ALCAM: variants seen among roughly 807,000 people sequenced by gnomAD.
ALCAM encodes activated leukocyte cell adhesion molecule.
Under a neutral mutation model 70.9 loss-of-function variants are expected in ALCAM, and 30 were observed. The observed-to-expected ratio is 0.42, with a 90% CI of 0.32 to 0.57. The LOEUF (loss-of-function observed/expected upper bound fraction) is 0.57. ALCAM is among the 20% of genes least tolerant of loss of function. The probability of loss-of-function intolerance (pLI) is 0.11; values close to 1 mark genes in which losing one functional copy is unlikely to be tolerated. For missense variants in ALCAM, 591 were observed against 695.1 expected, an observed-to-expected ratio of 0.85 and a Z score of 1.68; for synonymous variants, 249 against 242.5, an observed-to-expected ratio of 1.03 and a Z score of -0.25.
chr3:105,437,442 A>G (rs964519651), intron 1 of ALCAM, among the ~76,000 whole-genome samples: 1 of 152,110 alleles, frequency 6.6e-6, no homozygotes, highest in Non-Finnish European at 1.5e-5. Flanking sequence ...TTCTATGACA[A>G]TAATAGGACT....
chr3:105,423,971 A>T (rs1936731394), intron 1 of ALCAM, among the ~76,000 whole-genome samples: 1 of 151,624 alleles, frequency 6.6e-6, no homozygotes, highest in Admixed American at 6.6e-5. Context: ...TATTTTCATT[A>T]ACATTTCAGA....
chr3:105,418,962 T>A (rs1378179084), intron 1 of ALCAM, among the ~76,000 whole-genome samples: 2 of 151,792 alleles, frequency 1.3e-5, no homozygotes, highest in African/African-American at 4.8e-5. Context: ...CCTTATCAAA[T>A]CCCATTTTCT....
rs533251061 is a variant in ALCAM, at chr3:105,513,073, G to A, written c.74-6994G>A. ...TTTTTTGGTTCATTGTATTCTTTCTGCCTATCCCCCCCAAAGCACCCCCTT... is the reference window on the plus strand; with the variant it reads ...TTTTTTGGTTCATTGTATTCTTTCTACCTATCCCCCCCAAAGCACCCCCTT... On this transcript the variant is annotated intron_variant, in intron 1 of 15. Transcript: ENST00000306107. Among the ~76,000 whole-genome samples, 11 of 151,106 alleles carry A rather than the reference G, an allele frequency of 7.3e-5. No individual in the cohort carries two copies. The East Asian group carries it at 2.1e-3, about 29-fold the overall frequency.
intron 1 of ALCAM, among the ~76,000 whole-genome samples, chr3:105,504,449 C>G (rs1404769392): frequency 6.6e-6 from 1 of 152,192 alleles, no homozygotes; most frequent in Non-Finnish European, 1.5e-5. Flanking sequence ...AGGTAGCTCT[C>G]AGCAGATGGG....
At chr3:105,545,197 C>T in intron 8 of ALCAM, 26 bp from the exon 9 acceptor site, 1 of 1,463,336 alleles carries the variant, frequency 6.8e-7, no homozygotes, top group African/African-American at 1.4e-5. Context: ...AGAGTTAGCA[C>T]TTTGAACAGA....
rs150368715 is a variant in ALCAM, at chr3:105,494,390, G to T, written c.74-25677G>T. Among the ~76,000 whole-genome samples, 375 of 152,188 alleles carry T rather than the reference G, an allele frequency of 2.5e-3. 2 individuals carry two copies. The highest frequency in any genetic ancestry group is 8.2e-3 in the African/African-American group (339 of 41,528). On this transcript the variant is annotated intron_variant, in intron 1 of 15. Coordinates refer to ENST00000306107, the MANE Select transcript of ALCAM (RefSeq NM_001627.4). Reference sequence around the variant, plus strand: ...CTGTTATATTGTAGAATATAACAATGAATCTTTTGTTTTATAAAGGGCCTG... The same window carrying T: ...CTGTTATATTGTAGAATATAACAATTAATCTTTTGTTTTATAAAGGGCCTG...
chr3:105,423,829 A>G (rs1281026835), intron 1 of ALCAM, among the ~76,000 whole-genome samples: 1 of 151,660 alleles, frequency 6.6e-6, no homozygotes, highest in Non-Finnish European at 1.5e-5. Flanking sequence ...CAGAAGAGAA[A>G]CACAGCTAGA....
In ALCAM at chr3:105,368,419, G is replaced by A. The variant is rs143126729; in HGVS notation, c.73+938G>A. Reference sequence around the variant, plus strand: ...CGTGCGCTCACAGTTGCCTGACAGAGCAGCAGGTTCCTTTGCTCCCCTAAA... The same window carrying A: ...CGTGCGCTCACAGTTGCCTGACAGAACAGCAGGTTCCTTTGCTCCCCTAAA... On this transcript the variant is annotated intron_variant, in intron 1 of 15. Coordinates refer to ENST00000306107, the MANE Select transcript of ALCAM (RefSeq NM_001627.4). Among the ~76,000 whole-genome samples, 6 of 152,140 alleles carry A rather than the reference G, an allele frequency of 3.9e-5. No homozygotes were observed. In the East Asian group the frequency reaches 1.2e-3, roughly 29 times the overall value.
chr3:105,373,851 TG>T (rs1422819968), intron 1 of ALCAM, among the ~76,000 whole-genome samples: 1 of 152,210 alleles, frequency 6.6e-6, no homozygotes, highest in African/African-American at 2.4e-5. Flanking sequence ...TGGCAGCACC[TG>T]ACATTCATGC....
chr3:105,372,918 G>GA (rs1935274109), intron 1 of ALCAM, among the ~76,000 whole-genome samples: 1 of 152,044 alleles, frequency 6.6e-6, no homozygotes, highest in African/African-American at 2.4e-5. Context: ...TCATTCACAG[G>GA]AAAACATACT....
At chr3:105,476,118 C>T (rs1230909435) in intron 1 of ALCAM, among the ~76,000 whole-genome samples, 10 of 152,018 alleles carry the variant, frequency 6.6e-5, no homozygotes, top group Admixed American at 5.9e-4. Flanking sequence ...CATGCCTTCT[C>T]TGGTGCATTC....
chr3:105,524,976 G>C, intron 3 of ALCAM: 1 of 980,686 alleles, frequency 1.0e-6, no homozygotes, highest in Non-Finnish European at 1.2e-6. Context: ...TTTTAACAGA[G>C]GTATAAATTT....
intron 8 of ALCAM, 121 bp from the exon 9 acceptor site, chr3:105,545,102 A>C: frequency 2.8e-6 from 2 of 706,172 alleles, no homozygotes; most frequent in Non-Finnish European, 2.6e-6. Context: ...CATATAAATC[A>C]GTTCTGAATG....
chr3:105,383,010 T>C (rs902335738), intron 1 of ALCAM, among the ~76,000 whole-genome samples: 3 of 151,868 alleles, frequency 2.0e-5, no homozygotes, highest in African/African-American at 7.2e-5. Flanking sequence ...TATTTCTAAA[T>C]GTGCCATGCC....
intron 1 of ALCAM, among the ~76,000 whole-genome samples, chr3:105,370,292 C>T (rs1935193810): frequency 6.6e-6 from 1 of 152,132 alleles, no homozygotes; most frequent in African/African-American, 2.4e-5. Context: ...TGTTTAACAG[C>T]CAATATATAT....
chr3:105,419,598 G>A (rs1936594180), intron 1 of ALCAM, among the ~76,000 whole-genome samples: 1 of 151,688 alleles, frequency 6.6e-6, no homozygotes, highest in South Asian at 2.1e-4. Context: ...GACAAAGAAG[G>A]AAAATGAATA....
chr3:105,485,961 T>A (rs1938417934), intron 1 of ALCAM, among the ~76,000 whole-genome samples: 1 of 151,890 alleles, frequency 6.6e-6, no homozygotes, highest in African/African-American at 2.4e-5. Flanking sequence ...AAGTACTTGC[T>A]CCTCTTGGTG....
At chr3:105,377,819 T>C (rs1285572927) in intron 1 of ALCAM, among the ~76,000 whole-genome samples, 5 of 152,038 alleles carry the variant, frequency 3.3e-5, no homozygotes, top group Non-Finnish European at 7.4e-5. Flanking sequence ...ACAGCCACAT[T>C]TGAGCCATAA....
Position 105,454,866 on chromosome 3 carries a change from G to A in ALCAM, c.74-65201G>A, listed in dbSNP as rs1937514400. Among the ~76,000 whole-genome samples the A allele has an allele frequency of 3.3e-5, 5 of 151,528 alleles. No individual in the cohort carries two copies. The South Asian group carries it at 1.0e-3, about 32-fold the overall frequency. ...TGTGTGTGTGTGTATTTTTAGTAGA[G>A]ACGGAGTTTCACCAGGTTGACCAGG... On this transcript the variant is annotated intron_variant, in intron 1 of 15. Coordinates refer to ENST00000306107, the MANE Select transcript of ALCAM (RefSeq NM_001627.4).
Sources: allele counts gnomAD v4.1 joint callset (sites outside exome capture counted in the v4.1 genomes callset), GRCh38; gene constraint gnomAD v4.1.1; transcripts MANE v1.5; gene names NCBI Gene and HGNC (gene_info 2026-07-23, HGNC 2026-07-21).